MYRIP: variants seen among roughly 807,000 people sequenced by gnomAD.
The protein encoded by MYRIP is rab effector MyRIP.
Under a neutral mutation model 98.0 loss-of-function variants are expected in MYRIP, and 49 were observed. The ratio of observed to expected loss-of-function variants is 0.50; its 90% CI spans 0.40 to 0.63. The LOEUF is 0.63. Among genes scored for constraint, MYRIP ranks in the 30% least tolerant of loss-of-function variants. The pLI is 0.00. For missense variants in MYRIP, 1,004 were observed against 1,058.2 expected, an observed-to-expected ratio of 0.95 and a Z score of 0.71; for synonymous variants, 404 against 409.5, an observed-to-expected ratio of 0.99 and a Z score of 0.16.
chr3:40,180,579 G>A (rs1283173847), intron 8 of MYRIP, among the ~76,000 whole-genome samples: 2 of 152,326 alleles, frequency 1.3e-5, no homozygotes, highest in South Asian at 2.1e-4. Context: ...CCTTATCGAC[G>A]CACAGTGTCT....
chr3:40,144,205 T>A (rs1474841904), intron 3 of MYRIP, among the ~76,000 whole-genome samples: 10 of 152,182 alleles, frequency 6.6e-5, no homozygotes, highest in Admixed American at 6.5e-4. Flanking sequence ...GTGTTCTAAG[T>A]ATATGAACAG....
chr3:39,871,749 T>C (rs1220996780), intron 1 of MYRIP, among the ~76,000 whole-genome samples: 2 of 152,110 alleles, frequency 1.3e-5, no homozygotes, highest in Admixed American at 6.6e-5. Context: ...CTAATGGAGA[T>C]AGTGTTTTCA....
chr3:39,861,199 G>A (rs1237620170), intron 1 of MYRIP, among the ~76,000 whole-genome samples: 1 of 152,178 alleles, frequency 6.6e-6, no homozygotes, highest in Non-Finnish European at 1.5e-5. Context: ...GCCCCCCAGA[G>A]TTAGAGCATG....
intron 8 of MYRIP, among the ~76,000 whole-genome samples, chr3:40,178,465 G>A (rs1342541027): frequency 6.6e-6 from 1 of 152,126 alleles, no homozygotes; most frequent in Non-Finnish European, 1.5e-5. Context: ...CACCAAGAGA[G>A]CATGGAGGAG....
At chr3:40,123,448 G>A (rs926562617) in intron 3 of MYRIP, among the ~76,000 whole-genome samples, 4 of 152,180 alleles carry the variant, frequency 2.6e-5, no homozygotes, top group Non-Finnish European at 5.9e-5. Flanking sequence ...ACTGGAGCCC[G>A]CCAGCCATCC....
At chr3:39,909,620 G>T (rs1346787228) in intron 2 of MYRIP, among the ~76,000 whole-genome samples, 1 of 152,182 alleles carries the variant, frequency 6.6e-6, no homozygotes, top group Admixed American at 6.5e-5. Context: ...AGGTGTGTTT[G>T]ATTTGACCCT....
chr3:40,032,443 C>T lies in MYRIP; in HGVS notation c.111-11607C>T, dbSNP rs555230894. On this transcript the variant is annotated intron_variant, in intron 2 of 16. Coordinates refer to ENST00000302541, the MANE Select transcript of MYRIP (RefSeq NM_015460.4). ...CATTTGCTGAGGAGAGCTTTACTTC[C>T]AACTATGTGGTCAATTTTTGAATAG... Among the ~76,000 whole-genome samples, 4 of 152,118 alleles carry T rather than the reference C, an allele frequency of 2.6e-5. No individual in the cohort carries two copies. The East Asian group carries it at 7.8e-4, about 29-fold the overall frequency.
chr3:40,011,579 A>G (rs146325144), intron 2 of MYRIP, among the ~76,000 whole-genome samples: 2,360 of 152,298 alleles, frequency 0.015, 50 homozygotes, highest in African/African-American at 0.052. Flanking sequence ...AATCCATTGC[A>G]TTGATCTAGA....
chr3:39,978,282 C>T (rs1246716511), intron 2 of MYRIP, among the ~76,000 whole-genome samples: 1 of 152,166 alleles, frequency 6.6e-6, no homozygotes, highest in African/African-American at 2.4e-5. Flanking sequence ...GTATCAGACT[C>T]CTGTGACACT....
At chr3:40,004,396 G>T (rs1489773599) in intron 2 of MYRIP, among the ~76,000 whole-genome samples, 3 of 152,178 alleles carry the variant, frequency 2.0e-5, no homozygotes, top group Non-Finnish European at 4.4e-5. Flanking sequence ...GGGCCATTGA[G>T]CCCGGGCCAT....
At chr3:40,068,944 T>C (rs1403959917) in intron 3 of MYRIP, among the ~76,000 whole-genome samples, 3 of 152,210 alleles carry the variant, frequency 2.0e-5, no homozygotes, top group African/African-American at 7.2e-5. Flanking sequence ...CTGCTCTGCG[T>C]CACCAGCTAC....
chr3:40,118,917 T>C (rs1429637179), intron 3 of MYRIP, among the ~76,000 whole-genome samples: 1 of 151,942 alleles, frequency 6.6e-6, no homozygotes, highest in East Asian at 1.9e-4. Flanking sequence ...ACTCATCCTT[T>C]TTTATGGCTG....
At chr3:39,976,495 C>T (rs1465630096) in intron 2 of MYRIP, among the ~76,000 whole-genome samples, 2 of 152,194 alleles carry the variant, frequency 1.3e-5, no homozygotes, top group Admixed American at 1.3e-4. Flanking sequence ...GGCGATTCCT[C>T]AGGGATCTAG....
intron 3 of MYRIP, among the ~76,000 whole-genome samples, chr3:40,050,526 G>A (rs1947772804): frequency 6.6e-6 from 1 of 151,998 alleles, no homozygotes; most frequent in Non-Finnish European, 1.5e-5. Flanking sequence ...TCACCTGGGA[G>A]CTCTGATGAA....
intron 1 of MYRIP, among the ~76,000 whole-genome samples, chr3:39,886,788 A>G (rs200093276): frequency 0.039 from 5,855 of 151,570 alleles, 275 homozygotes; most frequent in East Asian, 0.12. Context: ...AACGAGACAG[A>G]AAGTCAACAA....
intron 10 of MYRIP, among the ~76,000 whole-genome samples, chr3:40,202,665 A>T (rs1307825282): frequency 1.3e-5 from 2 of 152,154 alleles, no homozygotes; most frequent in East Asian, 3.9e-4. Context: ...GTGTAAGAGA[A>T]GAGCTTGGCC....
chr3:39,936,531 A>G (rs1212986092), intron 2 of MYRIP, among the ~76,000 whole-genome samples: 1 of 152,204 alleles, frequency 6.6e-6, no homozygotes, highest in African/African-American at 2.4e-5. Context: ...GTGGACTTCC[A>G]GTTCTGGAAT....
intron 2 of MYRIP, among the ~76,000 whole-genome samples, chr3:39,948,196 C>T (rs1401176160): frequency 6.6e-6 from 1 of 152,132 alleles, no homozygotes; most frequent in Non-Finnish European, 1.5e-5. Flanking sequence ...TGTCATATAG[C>T]CTCTCAAAAG....
intron 4 of MYRIP, among the ~76,000 whole-genome samples, chr3:40,157,661 C>T (rs1480543910): frequency 8.7e-5 from 13 of 148,834 alleles, no homozygotes; most frequent in East Asian, 5.9e-4. Flanking sequence ...TGATTATTGC[C>T]ACAATTTCAG....
Sources: allele counts gnomAD v4.1 joint callset (sites outside exome capture counted in the v4.1 genomes callset), GRCh38; gene constraint gnomAD v4.1.1; transcripts MANE v1.5; gene names NCBI Gene and HGNC (gene_info 2026-07-23, HGNC 2026-07-21).